Variants in CTBP2 observed in about 807,000 individuals in gnomAD.
The protein encoded by CTBP2 is C-terminal-binding protein 2.
CTBP2 carries 30 observed loss-of-function variants against 80.3 expected under a neutral mutation model. That is an observed-to-expected ratio of 0.37 (90% CI 0.28 to 0.51). The LOEUF is 0.51. CTBP2 is among the 20% of genes least tolerant of loss of function. The probability of loss-of-function intolerance (pLI) is 0.93; values close to 1 mark genes in which losing one functional copy is unlikely to be tolerated. For missense variants in CTBP2, 1,212 were observed against 1,375.3 expected (o/e 0.88, Z 1.88); for synonymous variants, 594 against 587.4 (o/e 1.01, Z -0.16).
intron 2 of CTBP2, among the ~76,000 whole-genome samples, chr10:125,097,828 G>A (rs566458915): frequency 2.6e-5 from 4 of 152,204 alleles, no homozygotes; most frequent in South Asian, 2.1e-4. Context: ...AAAGGCCGAC[G>A]AGGCTGGGAG....
At position 125,135,825 on chromosome 10, in the gene CTBP2, G is replaced by A. The variant is rs563280959; in HGVS notation, c.-206+24494C>T. Reference sequence around the variant, plus strand: ...TGCTCTCCTGCCTGGCCCCACAGCAGGAGCGTACCTGTCAGTCAGGTGTGC... The same window carrying A: ...TGCTCTCCTGCCTGGCCCCACAGCAAGAGCGTACCTGTCAGTCAGGTGTGC... On this transcript the variant is annotated intron_variant, in intron 1 of 10. Coordinates refer to the CTBP2 transcript ENST00000337195. 7.2e-5 allele frequency among the ~76,000 whole-genome samples: 11 copies of A among 152,352 alleles called. 1 individual carries two copies. The East Asian group carries it at 2.1e-3, about 29-fold the overall frequency.
chr10:125,132,088 G>C (rs975329506), intron 1 of CTBP2, among the ~76,000 whole-genome samples: 4 of 152,192 alleles, frequency 2.6e-5, no homozygotes, highest in Admixed American at 2.0e-4. Context: ...AATCAAATCA[G>C]AAAAGAGAGG....
rs1457194517 is a variant in CTBP2 at position 125,027,540 on chromosome 10, C to A, written c.220G>T (p.Ala74Ser). 1.9e-6 allele frequency: 3 copies of A among 1,614,086 alleles called. No homozygotes were observed. Among genetic ancestry groups the A allele is most frequent in the Non-Finnish European group, 1.7e-6 (2 of 1,180,000 alleles). The change falls in exon 1 of 9, where the codon GCC (alanine) becomes TCC (serine). Residue 74 changes from alanine to serine, a missense_variant. This residue lies in a region of CTBP2 where 848 missense variants were observed against 782.3 expected (regional missense o/e 1.08). Coordinates refer to ENST00000309035, the MANE Select transcript of CTBP2 (RefSeq NM_022802.3). The stretch of plus-strand genomic sequence containing the variant: ...CTTGCAGCCACTGAGTTATAAACGG[C>A]CTCCCGGTACAGGTAGGGCTCGGCG...
chr10:125,015,669 G>A (rs1356004055), intron 1 of CTBP2, among the ~76,000 whole-genome samples: 1 of 152,208 alleles, frequency 6.6e-6, no homozygotes, highest in Non-Finnish European at 1.5e-5. Flanking sequence ...AAGGCGCCTC[G>A]CCCGCCCGCT....
At chr10:125,040,478 G>C (rs1389616351) in intron 2 of CTBP2, among the ~76,000 whole-genome samples, 2 of 110,782 alleles carry the variant, frequency 1.8e-5, no homozygotes, top group Non-Finnish European at 3.7e-5. Flanking sequence ...AAAAAAAAAA[G>C]GTGGCTTGAA....
chr10:125,014,197 C>T (rs116045367), intron 1 of CTBP2, among the ~76,000 whole-genome samples: 2,377 of 152,328 alleles, frequency 0.016, 57 homozygotes, highest in African/African-American at 0.054. Flanking sequence ...CAGGGACACA[C>T]GGTCCTCCTC....
chr10:125,160,051 A>G (rs1344439730), intron 1 of CTBP2: 1 of 150,054 alleles, frequency 6.7e-6, no homozygotes, highest in Non-Finnish European at 1.5e-5. Flanking sequence ...TCCTGGCGCA[A>G]ACGGCGGCCA....
chr10:124,996,422 A>G (rs1589938897), intron 4 of CTBP2: 3 of 152,454 alleles, frequency 2.0e-5, no homozygotes, highest in Admixed American at 6.5e-5. Context: ...CCTGAAGGCT[A>G]CAGAGACACC....
At chr10:125,041,808 C>T (rs558194637) in intron 2 of CTBP2, among the ~76,000 whole-genome samples, 18 of 152,158 alleles carry the variant, frequency 1.2e-4, no homozygotes, top group Admixed American at 1.1e-3. Flanking sequence ...CTTTTGCTTT[C>T]CTTTGAATTT....
intron 2 of CTBP2, among the ~76,000 whole-genome samples, chr10:125,064,815 A>G (rs1310775012): frequency 6.6e-6 from 1 of 152,172 alleles, no homozygotes; most frequent in Non-Finnish European, 1.5e-5. Flanking sequence ...GTGGTTAAAG[A>G]CAGAGGAAGA....
intron 4 of CTBP2, among the ~76,000 whole-genome samples, chr10:124,995,385 T>C (rs779156767): frequency 6.6e-6 from 1 of 152,210 alleles, no homozygotes; most frequent in East Asian, 1.9e-4. Context: ...CATAAACCCA[T>C]GGGGTCCCCC....
chr10:125,155,559 T>C (rs1240380373), intron 1 of CTBP2, among the ~76,000 whole-genome samples: 1 of 152,070 alleles, frequency 6.6e-6, no homozygotes, highest in African/African-American at 2.4e-5. Flanking sequence ...ATCATTAGAG[T>C]CACACTGATG....
intron 3 of CTBP2, among the ~76,000 whole-genome samples, chr10:125,002,262 C>T (rs917087291): frequency 6.6e-6 from 1 of 152,262 alleles, no homozygotes; most frequent in African/African-American, 2.4e-5. Context: ...TCGATGCCAG[C>T]GGTCTGCTTC....
At chr10:125,142,591 T>A (rs983789330) in intron 1 of CTBP2, among the ~76,000 whole-genome samples, 5 of 152,214 alleles carry the variant, frequency 3.3e-5, no homozygotes, top group African/African-American at 1.2e-4. Context: ...CAGAACTGCA[T>A]GCTAAAGGGT....
intron 1 of CTBP2, among the ~76,000 whole-genome samples, chr10:125,151,908 G>A (rs751296935): frequency 1.3e-5 from 2 of 152,210 alleles, no homozygotes; most frequent in African/African-American, 2.4e-5. Context: ...GGAGGAAGTG[G>A]GCACGGAGCG....
At chr10:125,128,794 A>T (rs1326837555) in intron 1 of CTBP2, among the ~76,000 whole-genome samples, 1 of 152,270 alleles carries the variant, frequency 6.6e-6, no homozygotes, top group Non-Finnish European at 1.5e-5. Flanking sequence ...TTCCATTTCT[A>T]GGAACTTACC....
At chr10:125,084,170 G>A (rs1404513819) in intron 2 of CTBP2, among the ~76,000 whole-genome samples, 1 of 152,144 alleles carries the variant, frequency 6.6e-6, no homozygotes, top group South Asian at 2.1e-4. Flanking sequence ...GCCCATGCTG[G>A]TCTTGAACTT....
chr10:124,998,477 A>G, intron 3 of CTBP2: 1 of 419,508 alleles, frequency 2.4e-6, no homozygotes, highest in Non-Finnish European at 4.4e-6. Context: ...GCTTGCACTG[A>G]GTCCCAAGAA....
intron 2 of CTBP2, among the ~76,000 whole-genome samples, chr10:125,061,337 C>T (rs1457711339): frequency 6.6e-6 from 1 of 152,180 alleles, no homozygotes; most frequent in East Asian, 1.9e-4. Flanking sequence ...GGAAAGCTCT[C>T]GCTGGGCATC....
Sources: allele counts gnomAD v4.1 joint callset (sites outside exome capture counted in the v4.1 genomes callset), GRCh38; gene constraint gnomAD v4.1.1; regional missense constraint gnomAD v4.1.1; transcripts MANE v1.5; gene names NCBI Gene and HGNC (gene_info 2026-07-23, HGNC 2026-07-21).